MESD: variants seen among roughly 807,000 people sequenced by gnomAD.
MESD encodes LRP chaperone MESD.
Under a neutral mutation model 12.9 loss-of-function variants are expected in MESD, and 7 were observed. The ratio of observed to expected loss-of-function variants is 0.54; its 90% CI spans 0.31 to 1.02. The LOEUF (loss-of-function observed/expected upper bound fraction) is 1.02, where lower values mean the gene tolerates loss of function less well. Ranked by LOEUF, MESD falls within the 50% of genes least tolerant of loss-of-function variation. MESD has a pLI of 0.05. For missense variants in MESD, 342 were observed against 296.7 expected, an observed-to-expected ratio of 1.15 and a Z score of -1.12; for synonymous variants, 126 against 115.6, an observed-to-expected ratio of 1.09 and a Z score of -0.58.
At chr15:80,955,136 GA>G (rs10714731) in intron 3 of MESD, among the ~76,000 whole-genome samples, 8,439 of 134,588 alleles carry the variant, frequency 0.063, 302 homozygotes, top group Middle Eastern at 0.19. Context: ...GTCTCTACTA[GA>G]AAAAAAAAAA....
At chr15:80,949,208 T>C (rs975678426) in intron 4 of MESD, 1 of 461,976 alleles carries the variant, frequency 2.2e-6, no homozygotes, top group Non-Finnish European at 4.0e-6. Context: ...GCCTCTTCAG[T>C]GGGGGTTTGG....
chr15:80,982,235 A>T, intron 1 of MESD, 53 bp from the exon 2 acceptor site: 1 of 1,499,902 alleles, frequency 6.7e-7, no homozygotes, highest in East Asian at 2.3e-5. Context: ...TTGCTTTTCA[A>T]CTGGCACAGG....
At chr15:80,973,133 G>T (rs1040320957), downstream of MESD, among the ~76,000 whole-genome samples, 1 of 152,176 alleles carries the variant, frequency 6.6e-6, no homozygotes, top group Non-Finnish European at 1.5e-5. Flanking sequence ...TGAATATAAC[G>T]CTCAGATGTA....
At chr15:80,947,173 A>G, downstream of MESD, 1 of 722,890 alleles carries the variant, frequency 1.4e-6, no homozygotes, top group Non-Finnish European at 2.5e-6. Context: ...GCTTTGTACT[A>G]AACGTGGGTA....
At chr15:80,956,786 A>AG (rs1901996273) in intron 3 of MESD, among the ~76,000 whole-genome samples, 1 of 152,098 alleles carries the variant, frequency 6.6e-6, no homozygotes, top group Non-Finnish European at 1.5e-5. Flanking sequence ...GAGCATGCAG[A>AG]GGGGGTGGCT....
At chr15:80,955,257 G>A (rs973942800) in intron 3 of MESD, among the ~76,000 whole-genome samples, 1 of 151,642 alleles carries the variant, frequency 6.6e-6, no homozygotes, top group Non-Finnish European at 1.5e-5. Flanking sequence ...AGGCCGAGGC[G>A]GGCGGATCAC....
At chr15:80,960,403 T>C (rs1902065159) in intron 3 of MESD, among the ~76,000 whole-genome samples, 1 of 138,460 alleles carries the variant, frequency 7.2e-6, no homozygotes, top group Non-Finnish European at 1.6e-5. Flanking sequence ...AAAAAAAAAC[T>C]CTTTCCCAGT....
At chr15:80,946,761 G>C (rs145785155), downstream of MESD, 1,296 of 598,840 alleles carry the variant, frequency 2.2e-3, 21 homozygotes, top group South Asian at 0.014. Flanking sequence ...CAGATGTGTG[G>C]GAGGGAGCTC....
chr15:80,982,792 T>C (rs1464227793), intron 1 of MESD, among the ~76,000 whole-genome samples: 1 of 152,138 alleles, frequency 6.6e-6, no homozygotes, highest in Admixed American at 6.5e-5. Flanking sequence ...TTATCAAAAT[T>C]TATTGCAGGC....
rs76225437 is a variant in MESD, at chr15:80,959,197, G to C, written c.*289-6901C>G. 5.8e-4 allele frequency among the ~76,000 whole-genome samples: 89 copies of C among 152,332 alleles called. No individual in the cohort carries two copies. In the East Asian group the frequency reaches 7.5e-3, roughly 13 times the overall value. On this transcript the variant is annotated intron_variant, in intron 3 of 4. Transcript: ENST00000561312. Reference sequence around the variant, plus strand: ...GAGTTGGGGGAGACAGTTTTCCGGAGAGCCTGCCTTGCATGCCTGCCATGT... The same window carrying C: ...GAGTTGGGGGAGACAGTTTTCCGGACAGCCTGCCTTGCATGCCTGCCATGT...
chr15:80,960,272 G>A (rs1902061750), intron 3 of MESD, among the ~76,000 whole-genome samples: 2 of 151,978 alleles, frequency 1.3e-5, no homozygotes, highest in African/African-American at 4.8e-5. Context: ...GGCTGAGGTG[G>A]GAGGATCACC....
At chr15:80,963,198 C>T (rs1902118113) in intron 3 of MESD, among the ~76,000 whole-genome samples, 1 of 152,180 alleles carries the variant, frequency 6.6e-6, no homozygotes, top group Non-Finnish European at 1.5e-5. Flanking sequence ...ATACTATGAA[C>T]AGCTCTATGC....
At position 80,978,390 on chromosome 15, in the gene MESD, GC is replaced by G. The variant is rs1902477497; in HGVS notation, c.*828del. 6.6e-6 allele frequency: 1 copy of G among 152,120 alleles called. No individual in the cohort carries two copies. The highest frequency in any genetic ancestry group is 1.5e-5 in the Non-Finnish European group (1 of 68,030). The allele number at this position is 152,120 out of a possible 1,614,324, so 9.4% of individuals were successfully genotyped here. The stretch of plus-strand genomic sequence containing the variant: ...ACTCTATACGAAAGCACAGATTTAG[GC>G]ACTTTATCAAAGAAAAATGTTTAGA... On this transcript the variant is annotated 3_prime_UTR_variant, in exon 3 of 3. Transcript: ENST00000261758.
chr15:80,969,042 T>G (rs1051842294), intron 3 of MESD, among the ~76,000 whole-genome samples: 1 of 151,938 alleles, frequency 6.6e-6, no homozygotes, highest in African/African-American at 2.4e-5. Context: ...TATTAAAAAA[T>G]TAGCTGGGTG....
At chr15:80,983,815 T>C (rs1030116616) in intron 1 of MESD, among the ~76,000 whole-genome samples, 3 of 151,450 alleles carry the variant, frequency 2.0e-5, no homozygotes, top group African/African-American at 7.3e-5. Flanking sequence ...TAGTATGACT[T>C]ACAACCCCTC....
downstream of MESD, among the ~76,000 whole-genome samples, chr15:80,974,275 C>A (rs1451998707): frequency 6.6e-6 from 1 of 152,112 alleles, no homozygotes; most frequent in Admixed American, 6.5e-5. Context: ...GGGAAAAGAG[C>A]CAGCGAGAAT....
chr15:80,953,849 C>G (rs372234378), intron 3 of MESD, among the ~76,000 whole-genome samples: 6 of 152,126 alleles, frequency 3.9e-5, no homozygotes, highest in Non-Finnish European at 8.8e-5. Context: ...GAAAACGCAA[C>G]GGCACAAAGC....
At chr15:80,963,269 A>G (rs568828512) in intron 3 of MESD, among the ~76,000 whole-genome samples, 113 of 152,348 alleles carry the variant, frequency 7.4e-4, no homozygotes, top group Admixed American at 9.1e-4. Flanking sequence ...CCCTCCCAAG[A>G]CTAAACCAGG....
intron 3 of MESD, among the ~76,000 whole-genome samples, chr15:80,956,796 T>C (rs1901996815): frequency 6.6e-6 from 1 of 151,998 alleles, no homozygotes; most frequent in African/African-American, 2.4e-5. Flanking sequence ...AGGGGGTGGC[T>C]GTGTTAAGCT....
Sources: gnomAD v4.1 joint callset for allele counts (sites outside exome capture counted in the v4.1 genomes callset) on GRCh38, gnomAD v4.1.1 for gene constraint, MANE v1.5 for transcripts, NCBI Gene and HGNC (gene_info 2026-07-23, HGNC 2026-07-21) for gene names.